Variants in DCLRE1A observed in about 807,000 individuals in gnomAD.
The protein encoded by DCLRE1A is DNA cross-link repair 1A protein.
Under a neutral mutation model 91.9 loss-of-function variants are expected in DCLRE1A, and 64 were observed. The ratio of observed to expected loss-of-function variants is 0.70; its 90% confidence interval spans 0.57 to 0.86. DCLRE1A has a LOEUF of 0.86. Ranked by LOEUF, DCLRE1A falls within the 40% of genes least tolerant of loss-of-function variation. The probability of loss-of-function intolerance (pLI) is 0.00; values close to 1 mark genes in which losing one functional copy is unlikely to be tolerated. For missense variants in DCLRE1A, 1,145 were observed against 1,213.3 expected, an observed-to-expected ratio of 0.94 and a Z score of 0.84; for synonymous variants, 416 against 431.1, an observed-to-expected ratio of 0.96 and a Z score of 0.43.
intron 7 of DCLRE1A, among the ~76,000 whole-genome samples, chr10:113,839,736 G>T (rs1404047058): frequency 6.6e-6 from 1 of 152,080 alleles, no homozygotes; most frequent in Non-Finnish European, 1.5e-5. Context: ...CCTTCTAATG[G>T]AAACCACCTG....
rs1250674010 is a variant in DCLRE1A, at chr10:113,852,821, T to C, written c.362A>G (p.Tyr121Cys). ...AAAAGGCATCTGGCAATTTGGACAG[T>C]ATCCATCATAAACTGGACGTATCTT... ...SPKIRPVYDG[Y>C]CPNCQMPFSS... The change falls in exon 1 of 9, where the codon TAC (tyrosine) becomes TGC (cysteine). Residue 121 changes from tyrosine (Y) to cysteine (C), a missense_variant. Tyr to Cys is a radical substitution (Grantham distance 194). Transcript: ENST00000361384. The C allele has an allele frequency of 6.2e-7, 1 of 1,614,222 alleles. No homozygotes were observed. The highest frequency in any genetic ancestry group is 1.1e-5 in the South Asian group (1 of 91,088).
upstream of DCLRE1A, chr10:113,854,266 T>G (rs1845711735): frequency 6.6e-6 from 1 of 152,094 alleles, no homozygotes; most frequent in Admixed American, 6.6e-5. Context: ...GACAAAACGC[T>G]GTGTTTGTGT....
Position 113,849,925 on chromosome 10 carries a change from T to C in DCLRE1A, c.1180A>G (p.Ser394Gly). The C allele has an allele frequency of 6.2e-7, 1 of 1,614,032 alleles. No homozygotes were observed. ...CATGCCAGATCATAAGGCAAAGTACTCTCATTATTTTGAGAAATAGGTTGA... is the reference window on the plus strand; with the variant it reads ...CATGCCAGATCATAAGGCAAAGTACCCTCATTATTTTGAGAAATAGGTTGA... ...LSQPISQNNE[S>G]TLPYDLACTG... The change falls in exon 2 of 9, where the codon AGT becomes GGT. Residue 394 changes from serine (S) to glycine (G), a missense_variant. Transcript: ENST00000361384.
intron 7 of DCLRE1A, among the ~76,000 whole-genome samples, chr10:113,839,477 T>C (rs1483123224): frequency 6.6e-6 from 1 of 152,036 alleles, no homozygotes; most frequent in Non-Finnish European, 1.5e-5. Context: ...ACATTTTAAA[T>C]ACATATTTCC....
Position 113,849,267 on chromosome 10 carries a change from T to A in DCLRE1A, c.1838A>T (p.Asp613Val). Residue 613 changes from aspartate to valine, a missense_variant, in exon 2 of 9, where the codon GAT becomes GTT. By Grantham distance (152) the Asp-to-Val change is radical. Coordinates refer to ENST00000361384, the MANE Select transcript of DCLRE1A (RefSeq NM_014881.5). ...CTGACTCTCATGTAAAGTACTTGCA[T>A]CAAATTCTAAATCACTTAAAGATTT... ...AEKSLSDLEF[D>V]ASTLHESQLS... The A allele has an allele frequency of 6.2e-7, 1 of 1,614,168 alleles. No individual in the cohort carries two copies. Among genetic ancestry groups the A allele is most frequent in the Non-Finnish European group, 8.5e-7 (1 of 1,180,022 alleles).
rs1472290608 is a variant in DCLRE1A at position 113,853,873 on chromosome 10, T to C, written c.-691A>G. The C allele has an allele frequency of 1.3e-5, 2 of 152,228 alleles. No homozygotes were observed. The highest frequency in any genetic ancestry group is 4.8e-5 in the African/African-American group (2 of 41,446). The allele number at this position is 152,228 out of a possible 1,614,324, so 9.4% of individuals were successfully genotyped here. A position where few individuals can be genotyped will look rare whatever the true frequency, so the allele number is the denominator to read the frequency against. ...CTGCACAGTGAACAAAAAAAGTTGA[T>C]ATGTGAAAAAAGTTCAAATATGTGA... On this transcript the variant is annotated 5_prime_UTR_variant, in exon 1 of 9. In the 5' UTR this introduces an upstream ATG that the reference lacks. Coordinates refer to ENST00000361384, the MANE Select transcript of DCLRE1A (RefSeq NM_014881.5).
chr10:113,849,820 T>G lies in DCLRE1A; in HGVS notation c.1285A>C (p.Lys429Gln). ...GAGTGAAATTCTGGCTCATCAGGTT[T>G]TGCTTTAGTTGCCTGATGAACAGAA... ...AASVHQATKAKPDEPEFHSAQ... is the reference protein window; with the variant it reads ...AASVHQATKAQPDEPEFHSAQ... The change falls in exon 2 of 9, where the codon AAA becomes CAA. Residue 429 changes from lysine (K) to glutamine (Q), a missense_variant. Coordinates refer to ENST00000361384, the MANE Select transcript of DCLRE1A (RefSeq NM_014881.5). 6.2e-7 allele frequency: 1 copy of G among 1,614,168 alleles called. No homozygotes were observed. Among genetic ancestry groups the G allele is most frequent in the Middle Eastern group, 1.6e-4 (1 of 6,062 alleles).
intron 1 of DCLRE1A, among the ~76,000 whole-genome samples, chr10:113,851,293 G>C (rs185891436): frequency 8.4e-4 from 128 of 152,234 alleles, no homozygotes; most frequent in African/African-American, 3.0e-3. Flanking sequence ...TCTGGGAAAG[G>C]CTAATGCCAA....
Position 113,849,947 on chromosome 10 carries a change from T to C in DCLRE1A, c.1158A>G (p.Gln386=). The stretch of plus-strand genomic sequence containing the variant: ...TACTCTCATTATTTTGAGAAATAGG[T>C]TGAGACAAATCATTTAGACTATTGA... ...YRFNSLNDLS[Q]PISQNNESTL... Residue 386 remains glutamine, a synonymous_variant, in exon 2 of 9, where the codon CAA becomes CAG. Transcript: ENST00000361384. The C allele has an allele frequency of 6.2e-7, 1 of 1,614,102 alleles. No individual in the cohort carries two copies. The highest frequency in any genetic ancestry group is 8.5e-7 in the Non-Finnish European group (1 of 1,180,018).
intron 8 of DCLRE1A, 71 bp downstream of exon 8, chr10:113,836,991 C>T: frequency 7.4e-7 from 1 of 1,349,664 alleles, no homozygotes; most frequent in African/African-American, 1.5e-5. Context: ...GGATTTGAAC[C>T]TTATTACATT....
chr10:113,838,496 A>G (rs192372845), intron 7 of DCLRE1A, among the ~76,000 whole-genome samples: 42 of 152,320 alleles, frequency 2.8e-4, no homozygotes, highest in African/African-American at 1.0e-3. Flanking sequence ...CCATAAACAA[A>G]AACTTTGGAT....
In DCLRE1A at chr10:113,849,804, T is replaced by C. The variant is rs796462577; in HGVS notation, c.1301A>G (p.Glu434Gly). ...QATKAKPDEP[E>G]FHSAQSNKQK... is the part of the protein sequence containing the mutation. Reference sequence around the variant, plus strand: ...TTTATTTGATTGAGCTGAGTGAAATTCTGGCTCATCAGGTTTTGCTTTAGT... The same window carrying C: ...TTTATTTGATTGAGCTGAGTGAAATCCTGGCTCATCAGGTTTTGCTTTAGT... Residue 434 changes from glutamate to glycine, a missense_variant, in exon 2 of 9, where the codon GAA becomes GGA. Glu to Gly is a moderately conservative substitution (Grantham distance 98, BLOSUM62 -2). Coordinates refer to ENST00000361384, the MANE Select transcript of DCLRE1A (RefSeq NM_014881.5). The C allele has an allele frequency of 9.3e-6, 15 of 1,614,202 alleles. No individual in the cohort carries two copies. The African/African-American group carries it at 1.9e-4, about 20-fold the overall frequency.
intron 6 of DCLRE1A, 46 bp downstream of exon 6, chr10:113,842,297 G>T: frequency 1.4e-6 from 2 of 1,472,012 alleles, no homozygotes; most frequent in South Asian, 2.8e-5. Flanking sequence ...AAAAGAATCT[G>T]ATCTTTATAA....
Position 113,850,300 on chromosome 10 carries a change from T to A in DCLRE1A, c.805A>T (p.Lys269Ter). 1 of 1,614,216 alleles carries A rather than the reference T, an allele frequency of 6.2e-7. No homozygotes were observed. The highest frequency in any genetic ancestry group is 1.7e-5 in the Admixed American group (1 of 60,030). Reference protein sequence around the residue: ...LQFTDFVENDKLVGVALRLAN... With the variant: ...LQFTDFVEND ...AGACGCAAAGCAACTCCCACTAGTT[T>A]GTCATTCTCAACAAAATCTGTAAAT... The change falls in exon 2 of 9, where the codon AAA (lysine) becomes TAA (stop). Residue 269 changes from lysine to a stop codon, truncating the protein, a stop_gained. Transcript: ENST00000361384. LOFTEE classifies it high-confidence loss of function.
intron 8 of DCLRE1A, 45 bp downstream of exon 8, chr10:113,837,017 A>G: frequency 1.4e-6 from 2 of 1,471,556 alleles, no homozygotes; most frequent in Middle Eastern, 1.8e-4. Flanking sequence ...AAATGTAATT[A>G]TAAACATTAT....
In DCLRE1A at chr10:113,840,635, G is replaced by C. The variant is rs77864964; in HGVS notation, c.2820+771C>G. Among the ~76,000 whole-genome samples, 537 of 152,274 alleles carry C rather than the reference G, an allele frequency of 3.5e-3. 4 individuals are homozygous for C. The highest frequency in any genetic ancestry group is 0.012 in the African/African-American group (507 of 41,570). ...AAGCAACCCTCCTCCCTTTGGCCAT[G>C]AAAGTATCCAGCTCCTCTTCACACC... On this transcript the variant is annotated intron_variant, in intron 7 of 8. Transcript: ENST00000361384.
In DCLRE1A at chr10:113,845,781, T is replaced by C. The variant is rs1251070187; in HGVS notation, c.2282A>G (p.Asn761Ser). ...ATATTGTTCTTGCACATGAAGCTTG[T>C]TCTTCAACAAATTGCCAGTTATCTG... ...CSEITGNLLK[N>S]KLHVQEQYIH... is the part of the protein sequence containing the mutation. Residue 761 changes from asparagine to serine, a missense_variant, in exon 4 of 9, where the codon AAC (asparagine) becomes AGC (serine). Physicochemically the swap from Asn to Ser is conservative, Grantham distance 46 (BLOSUM62 1). Transcript: ENST00000361384. 2 of 1,614,018 alleles carry C rather than the reference T, an allele frequency of 1.2e-6. No homozygotes were observed. The highest frequency in any genetic ancestry group is 2.7e-5 in the African/African-American group (2 of 74,930).
rs1157734311 is a variant in DCLRE1A, at chr10:113,841,553, A to G, written c.2673T>C (p.Ala891=). ...TGCCCACTTTTGAACCTAAAACATC[A>G]GCAATGGCTATGGGCAAAAGAAAAG... ...IGKEKVFLAI[A]DVLGSKVGMS... is the part of the protein sequence containing the mutation. The change falls in exon 7 of 9, where the codon GCT becomes GCC. Residue 891 remains alanine, a synonymous_variant. Transcript: ENST00000361384. The G allele has an allele frequency of 6.2e-7, 1 of 1,606,594 alleles. No homozygotes were observed. Among genetic ancestry groups the G allele is most frequent in the East Asian group, 2.2e-5 (1 of 44,492 alleles).
In DCLRE1A at chr10:113,849,439, G is replaced by A; in HGVS notation, c.1666C>T (p.Gln556Ter). Residue 556 changes from glutamine (Q) to a stop codon, truncating the protein, a stop_gained, in exon 2 of 9, where the codon CAA (glutamine) becomes TAA (stop). Coordinates refer to ENST00000361384, the MANE Select transcript of DCLRE1A (RefSeq NM_014881.5). LOFTEE classifies it high-confidence loss of function. ...CCAAAATACACACCTATATCCATTT[G>A]CTTCATTACCTTGGTAGAAGGATGT... is the stretch of plus-strand genomic sequence containing the variant. ...ARHPSTKVMKQMDIGVYFGLP... is the reference protein window; with the variant it reads ...ARHPSTKVMK 6.2e-7 allele frequency: 1 copy of A among 1,614,018 alleles called. No homozygotes were observed. Among genetic ancestry groups the A allele is most frequent in the Non-Finnish European group, 8.5e-7 (1 of 1,180,006 alleles).
Sources: gnomAD v4.1 joint callset for allele counts (sites outside exome capture counted in the v4.1 genomes callset) on GRCh38, gnomAD v4.1.1 for gene constraint, MANE v1.5 for transcripts, NCBI Gene and HGNC (gene_info 2026-07-23, HGNC 2026-07-21) for gene names.